Variants in IQCH observed in about 807,000 individuals in gnomAD.
The protein encoded by IQCH is IQ motif containing H.
Under a neutral mutation model 117.0 loss-of-function variants are expected in IQCH, and 98 were observed. The observed-to-expected ratio is 0.84, with a 90% CI of 0.71 to 0.99. The LOEUF (loss-of-function observed/expected upper bound fraction) is 0.99. IQCH is among the 50% of genes least tolerant of loss of function. The pLI, the probability that IQCH is intolerant of heterozygous loss-of-function variation, is 0.00. For synonymous variants in IQCH, 412 were observed against 448.2 expected (o/e 0.92, Z 1.02); for missense variants, 1,102 against 1,243.8 (o/e 0.89, Z 1.72).
chr15:67,275,414 C>T (rs890768325), intron 3 of IQCH, among the ~76,000 whole-genome samples: 3 of 151,952 alleles, frequency 2.0e-5, no homozygotes, highest in East Asian at 1.9e-4. Flanking sequence ...GTCTCATCCT[C>T]ATCTTTGGGT....
At chr15:67,444,743 T>C (rs1041222352) in intron 16 of IQCH, among the ~76,000 whole-genome samples, 14 of 152,224 alleles carry the variant, frequency 9.2e-5, no homozygotes, top group Non-Finnish European at 1.9e-4. Flanking sequence ...GATATCAAAA[T>C]GCATATTTGG....
intron 20 of IQCH, among the ~76,000 whole-genome samples, chr15:67,499,016 G>A (rs1278035471): frequency 6.6e-6 from 1 of 152,098 alleles, no homozygotes; most frequent in Non-Finnish European, 1.5e-5. Flanking sequence ...GAGATATGCA[G>A]GCCAACTGCA....
intron 16 of IQCH, among the ~76,000 whole-genome samples, chr15:67,462,793 A>G (rs1214333860): frequency 6.6e-5 from 10 of 152,200 alleles, no homozygotes; most frequent in Non-Finnish European, 1.0e-4. Context: ...CTGAAAAAAA[A>G]AAGTCTGACC....
intron 4 of IQCH, among the ~76,000 whole-genome samples, chr15:67,322,523 T>G (rs557193040): frequency 1.3e-5 from 2 of 152,204 alleles, no homozygotes; most frequent in African/African-American, 2.4e-5. Context: ...CACAGGACTT[T>G]CCTTGTCTAC....
chr15:67,451,056 G>A (rs1357578403), intron 16 of IQCH, among the ~76,000 whole-genome samples: 1 of 152,156 alleles, frequency 6.6e-6, no homozygotes, highest in Non-Finnish European at 1.5e-5. Flanking sequence ...ATTTCTGTGG[G>A]ATCGGTGGTG....
At chr15:67,498,002 AGAT>A (rs2083870772) in intron 20 of IQCH, among the ~76,000 whole-genome samples, 1 of 152,204 alleles carries the variant, frequency 6.6e-6, no homozygotes, top group Admixed American at 6.5e-5. Flanking sequence ...GAAATTGACA[AGAT>A]GATCCTAAAA....
rs1249910459 is a variant in IQCH at position 67,479,829 on chromosome 15, G to A, written c.2799+4011G>A. 6.6e-6 allele frequency among the ~76,000 whole-genome samples: 1 copy of A among 152,314 alleles called. No individual in the cohort carries two copies. The highest frequency in any genetic ancestry group is 1.5e-5 in the Non-Finnish European group (1 of 68,028). On this transcript the variant is annotated intron_variant, in intron 18 of 20. Coordinates refer to ENST00000335894, the MANE Select transcript of IQCH (RefSeq NM_001031715.3). This position sits in a 1 kb window ranked among gnomAD's most constrained non-coding sequence, Gnocchi z 4.6. ...ATTCTCAGCACTGTTTTCCCATTAT[G>A]ATCACAGACTTTTCAAATGATGTTC...
In IQCH at chr15:67,382,715, G is replaced by T. The variant is rs140921502; in HGVS notation, c.1373-2221G>T. ...GGACAAGAGACAAGACACTTACCTT[G>T]AGTTTCCTTACCTATAATATGACAG... On this transcript the variant is annotated intron_variant, in intron 10 of 20. Coordinates refer to ENST00000335894, the MANE Select transcript of IQCH (RefSeq NM_001031715.3). Among the ~76,000 whole-genome samples, 214 of 152,270 alleles carry T rather than the reference G, an allele frequency of 1.4e-3. 5 individuals carry two copies. The East Asian group carries it at 0.038, about 27-fold the overall frequency.
chr15:67,411,733 G>T lies in IQCH; in HGVS notation c.2098-5198G>T, dbSNP rs187198570. Among the ~76,000 whole-genome samples the T allele has an allele frequency of 6.0e-4, 92 of 152,332 alleles. No individual in the cohort carries two copies. Among genetic ancestry groups the T allele is most frequent in the African/African-American group, 1.9e-3 (80 of 41,574 alleles). Reference sequence around the variant, plus strand: ...AGAGTTTGAAGTAGCTTTAGTCATTGAGTGCAGTATTAAGCTTTAGTCACT... The same window carrying T: ...AGAGTTTGAAGTAGCTTTAGTCATTTAGTGCAGTATTAAGCTTTAGTCACT... On this transcript the variant is annotated intron_variant, in intron 14 of 20. Coordinates refer to ENST00000335894, the MANE Select transcript of IQCH (RefSeq NM_001031715.3). This position sits in a 1 kb window ranked among gnomAD's most constrained non-coding sequence, Gnocchi z 4.4.
In IQCH at chr15:67,369,667, C is replaced by T. The variant is rs969086761; in HGVS notation, c.754-2444C>T. The stretch of plus-strand genomic sequence containing the variant: ...AGTTCACAGAGATAATAAAGAATAA[C>T]AGAATGAGCCAGAACCTGAAGCATG... On this transcript the variant is annotated intron_variant, in intron 8 of 20. Coordinates refer to ENST00000335894, the MANE Select transcript of IQCH (RefSeq NM_001031715.3). This position sits in a 1 kb window ranked among gnomAD's most constrained non-coding sequence, Gnocchi z 5.2. Among the ~76,000 whole-genome samples the T allele has an allele frequency of 6.6e-6, 1 of 152,148 alleles. No homozygotes were observed. Among genetic ancestry groups the T allele is most frequent in the African/African-American group, 2.4e-5 (1 of 41,424 alleles).
chr15:67,274,267 C>G (rs1966030551), intron 3 of IQCH, among the ~76,000 whole-genome samples: 2 of 152,154 alleles, frequency 1.3e-5, no homozygotes, highest in South Asian at 2.1e-4. Context: ...ACCCCTTACT[C>G]TTCTTCAACT....
At chr15:67,374,937 G>A (rs1167931765) in intron 10 of IQCH, among the ~76,000 whole-genome samples, 1 of 152,052 alleles carries the variant, frequency 6.6e-6, no homozygotes, top group Non-Finnish European at 1.5e-5. Context: ...CTCTATACAG[G>A]GCCCCCCACT....
chr15:67,266,605 C>T (rs1015743806), intron 3 of IQCH, among the ~76,000 whole-genome samples: 1 of 151,970 alleles, frequency 6.6e-6, no homozygotes, highest in Admixed American at 6.6e-5. Context: ...TGCAGTGAGC[C>T]GAGATTGTGC....
rs2081512049 is a variant in IQCH at position 67,413,946 on chromosome 15, C to A, written c.2098-2985C>A. On this transcript the variant is annotated intron_variant, in intron 14 of 20. Coordinates refer to ENST00000335894, the MANE Select transcript of IQCH (RefSeq NM_001031715.3). This position sits in a 1 kb window ranked among gnomAD's most constrained non-coding sequence, Gnocchi z 5.0. ...ATCAGAGGCGGTGGCAGAAGCCTGGCACAGTGTCCAGATGCCACACACAAG... is the reference window on the plus strand; with the variant it reads ...ATCAGAGGCGGTGGCAGAAGCCTGGAACAGTGTCCAGATGCCACACACAAG... Among the ~76,000 whole-genome samples, 1 of 152,206 alleles carries A rather than the reference C, an allele frequency of 6.6e-6. No individual in the cohort carries two copies. The highest frequency in any genetic ancestry group is 6.5e-5 in the Admixed American group (1 of 15,272).
chr15:67,317,189 CTA>C (rs1967889096), intron 4 of IQCH, among the ~76,000 whole-genome samples: 1 of 152,012 alleles, frequency 6.6e-6, no homozygotes, highest in East Asian at 1.9e-4. Context: ...TGAGTGAGAA[CTA>C]TGTTAAGTTT....
rs1445059783 is a variant in IQCH at position 67,405,552 on chromosome 15, A to G, written c.2097+5247A>G. On this transcript the variant is annotated intron_variant, in intron 14 of 20. Coordinates refer to ENST00000335894, the MANE Select transcript of IQCH (RefSeq NM_001031715.3). The surrounding 1 kb of genome is among the most constrained non-coding windows in gnomAD (Gnocchi z 4.8). ...TCATTTACTTCCACACCAATTTAAG[A>G]TATAAGGAAGGTATTACTTCTGTTT... The G allele has an allele frequency of 6.6e-6, 1 of 152,234 alleles. No homozygotes were observed. Among genetic ancestry groups the G allele is most frequent in the Non-Finnish European group, 1.5e-5 (1 of 68,044 alleles). 9.4% of individuals were successfully genotyped at this position (152,234 alleles called of 1,614,324 possible).
chr15:67,455,949 A>T (rs901400416), intron 16 of IQCH, among the ~76,000 whole-genome samples: 3 of 152,240 alleles, frequency 2.0e-5, no homozygotes, highest in Non-Finnish European at 4.4e-5. Context: ...ATGTCAAAAT[A>T]AAAAAGTAGC....
Position 67,496,900 on chromosome 15 carries a change from C to G in IQCH, c.2970+2534C>G, listed in dbSNP as rs984598653. On this transcript the variant is annotated intron_variant, in intron 20 of 20. Coordinates refer to ENST00000335894, the MANE Select transcript of IQCH (RefSeq NM_001031715.3). The surrounding 1 kb of genome is among the most constrained non-coding windows in gnomAD (Gnocchi z 4.4). ...GGGCACGGTGGCGGGCGCCTGTAGT[C>G]CCAGCTACTCGGGAGGCTGAGGCAG... Among the ~76,000 whole-genome samples the G allele has an allele frequency of 6.6e-6, 1 of 150,574 alleles. No individual in the cohort carries two copies. Among genetic ancestry groups the G allele is most frequent in the Admixed American group, 6.6e-5 (1 of 15,124 alleles).
intron 4 of IQCH, among the ~76,000 whole-genome samples, chr15:67,303,558 A>G (rs1027796005): frequency 5.3e-5 from 8 of 152,156 alleles, no homozygotes; most frequent in South Asian, 4.1e-4. Flanking sequence ...GTTCCTCAAG[A>G]GACCATTAAG....
Sources: allele counts gnomAD v4.1 joint callset (sites outside exome capture counted in the v4.1 genomes callset), GRCh38; gene constraint gnomAD v4.1.1; non-coding constraint Gnocchi (gnomAD v3.1); transcripts MANE v1.5; gene names NCBI Gene and HGNC (gene_info 2026-07-23, HGNC 2026-07-21).